The following HCN1 variants were observed in gnomAD, a reference collection of about 807,000 sequenced individuals.
HCN1 encodes the protein hyperpolarization activated cyclic nucleotide gated potassium channel 1.
Under a neutral mutation model 78.9 loss-of-function variants are expected in HCN1, and 13 were observed. That is an observed-to-expected ratio of 0.16 (90% CI 0.11 to 0.26). HCN1 has a LOEUF of 0.26. HCN1 is among the 10% of genes least tolerant of loss of function. The pLI, the probability that HCN1 is intolerant of heterozygous loss-of-function variation, is 1.00. For missense variants in HCN1, 810 were observed against 1,154.3 expected, an observed-to-expected ratio of 0.70 and a Z score of 4.32; for synonymous variants, 552 against 455.5, an observed-to-expected ratio of 1.21 and a Z score of -2.70.
intron 4 of HCN1, among the ~76,000 whole-genome samples, chr5:45,368,811 C>T: frequency 6.6e-6 from 1 of 151,992 alleles, no homozygotes; most frequent in South Asian, 2.1e-4. Context: ...CCGCTTCTGT[C>T]AGCAAATTTT....
intron 1 of HCN1, among the ~76,000 whole-genome samples, chr5:45,674,418 CA>C (rs1157338993): frequency 6.6e-6 from 1 of 151,608 alleles, no homozygotes; most frequent in Non-Finnish European, 1.5e-5. Context: ...TGATCTTATA[CA>C]GATCTTCTAT....
chr5:45,265,276 T>A (rs1014220595), intron 7 of HCN1, among the ~76,000 whole-genome samples: 4 of 152,176 alleles, frequency 2.6e-5, no homozygotes, highest in Non-Finnish European at 4.4e-5. Flanking sequence ...AATATCCTGA[T>A]TTTAATGTTT....
intron 2 of HCN1, among the ~76,000 whole-genome samples, chr5:45,542,063 C>G (rs2111830370): frequency 6.6e-6 from 1 of 151,996 alleles, no homozygotes; most frequent in Admixed American, 6.6e-5. Flanking sequence ...TCTATAATTC[C>G]ACTCAAGTGA....
At chr5:45,438,087 T>C (rs1187458216) in intron 3 of HCN1, among the ~76,000 whole-genome samples, 2 of 152,186 alleles carry the variant, frequency 1.3e-5, no homozygotes, top group African/African-American at 4.8e-5. Flanking sequence ...ACATATTTTA[T>C]TGGTAACACA....
chr5:45,376,259 GA>G (rs1242109642), intron 4 of HCN1, among the ~76,000 whole-genome samples: 1 of 129,924 alleles, frequency 7.7e-6, no homozygotes, highest in Non-Finnish European at 1.6e-5. Context: ...ATAGAATATA[GA>G]ATATATATTC....
chr5:45,691,573 G>A (rs1205080101), intron 1 of HCN1, among the ~76,000 whole-genome samples: 1 of 151,714 alleles, frequency 6.6e-6, no homozygotes, highest in African/African-American at 2.4e-5. Flanking sequence ...ACCTAACATA[G>A]AAAAAAAATA....
At chr5:45,393,943 CA>C (rs1579865406) in intron 4 of HCN1, among the ~76,000 whole-genome samples, 2 of 152,082 alleles carry the variant, frequency 1.3e-5, no homozygotes, top group East Asian at 3.9e-4. Context: ...ATATAGAGAT[CA>C]GGGGGTAAGG....
Position 45,351,339 on chromosome 5 carries a change from C to G in HCN1, c.1377+1761G>C, listed in dbSNP as rs1394005172. On this transcript the variant is annotated intron_variant, in intron 5 of 7. Transcript: ENST00000303230. The stretch of plus-strand genomic sequence containing the variant: ...GCTAGCCATATGTAGAAAGCTGAAA[C>G]TGGATCCCTTTCTTACACCTTATAC... Among the ~76,000 whole-genome samples the G allele has an allele frequency of 5.3e-4, 72 of 136,448 alleles. 3 individuals are homozygous for G. Among genetic ancestry groups the G allele is most frequent in the Non-Finnish European group, 8.7e-4 (58 of 66,548 alleles). The allele number at this position is 136,448 out of a possible 152,430, so 89.5% of individuals were successfully genotyped here. A position where few individuals can be genotyped will look rare whatever the true frequency, so the allele number is the denominator to read the frequency against.
At chr5:45,497,586 C>A (rs564468081) in intron 2 of HCN1, among the ~76,000 whole-genome samples, 3 of 152,216 alleles carry the variant, frequency 2.0e-5, no homozygotes, top group East Asian at 1.9e-4. Context: ...TATTTTGAGC[C>A]TATGTGTGTC....
intron 2 of HCN1, among the ~76,000 whole-genome samples, chr5:45,498,883 G>A (rs943647582): frequency 6.6e-6 from 1 of 152,162 alleles, no homozygotes; most frequent in Non-Finnish European, 1.5e-5. Context: ...GTGCCTCCCA[G>A]TTAGGCTGCT....
intron 4 of HCN1, among the ~76,000 whole-genome samples, chr5:45,384,961 C>CT (rs1747883250): frequency 6.6e-6 from 1 of 151,984 alleles, no homozygotes; most frequent in African/African-American, 2.4e-5. Flanking sequence ...AAAAGTCTTC[C>CT]TTTTTTCCAG....
chr5:45,318,211 T>C lies in HCN1; in HGVS notation c.1378-14372A>G, dbSNP rs566653354. Among the ~76,000 whole-genome samples, 442 of 152,250 alleles carry C rather than the reference T, an allele frequency of 2.9e-3. 1 individual carries two copies. Among genetic ancestry groups the C allele is most frequent in the African/African-American group, 0.01 (419 of 41,550 alleles). ...CTGGATTAAGAAAATGTGGCACATA[T>C]ACACCATGGAATACTATGCAGCCAT... On this transcript the variant is annotated intron_variant, in intron 5 of 7. Coordinates refer to ENST00000303230, the MANE Select transcript of HCN1 (RefSeq NM_021072.4).
rs546323107 is a variant in HCN1, at chr5:45,330,996, G to A, written c.1377+22104C>T. ...ACTTTAACCACTTTTTGTTTTCCTT[G>A]AAATATATAATTTAGATGATAGAAT... is the stretch of plus-strand genomic sequence containing the variant. On this transcript the variant is annotated intron_variant, in intron 5 of 7. Coordinates refer to ENST00000303230, the MANE Select transcript of HCN1 (RefSeq NM_021072.4). 3.3e-5 allele frequency among the ~76,000 whole-genome samples: 5 copies of A among 151,028 alleles called. No individual in the cohort carries two copies. The East Asian group carries it at 9.8e-4, about 29-fold the overall frequency.
At position 45,380,227 on chromosome 5, in the gene HCN1, C is replaced by T. The variant is rs528405984; in HGVS notation, c.1230+16265G>A. Among the ~76,000 whole-genome samples the T allele has an allele frequency of 2.0e-4, 31 of 152,042 alleles. 1 individual carries two copies. In the South Asian group the frequency reaches 5.6e-3, roughly 27 times the overall value. ...GTGCCTTGTTGCTGTTTACTGTGTCCTCAGATAATTGAAGAGCAAAAAGGC... is the reference window on the plus strand; with the variant it reads ...GTGCCTTGTTGCTGTTTACTGTGTCTTCAGATAATTGAAGAGCAAAAAGGC... On this transcript the variant is annotated intron_variant, in intron 4 of 7. Transcript: ENST00000303230.
At chr5:45,612,624 A>G (rs1293516335) in intron 2 of HCN1, among the ~76,000 whole-genome samples, 1 of 152,084 alleles carries the variant, frequency 6.6e-6, no homozygotes, top group Non-Finnish European at 1.5e-5. Flanking sequence ...TTGTTTCCTT[A>G]TACTTCTTTT....
chr5:45,539,921 TATATA>T (rs1287389981), intron 2 of HCN1, among the ~76,000 whole-genome samples: 1 of 1,498 alleles, frequency 6.7e-4, no homozygotes, highest in African/African-American at 7.2e-4. Context: ...AATTGTGAGA[TATATA>T]TATATATATA....
intron 2 of HCN1, among the ~76,000 whole-genome samples, chr5:45,519,012 A>T (rs1251241586): frequency 6.6e-6 from 1 of 151,864 alleles, no homozygotes; most frequent in Non-Finnish European, 1.5e-5. Flanking sequence ...TATAATTTTC[A>T]CAGAGGGCCC....
chr5:45,672,472 T>C (rs1324978576), intron 1 of HCN1, among the ~76,000 whole-genome samples: 1 of 151,282 alleles, frequency 6.6e-6, no homozygotes, highest in African/African-American at 2.4e-5. Flanking sequence ...TTACAAATGT[T>C]TATTCTCAGG....
At chr5:45,575,825 T>C (rs188352962) in intron 2 of HCN1, 2 of 152,180 alleles carry the variant, frequency 1.3e-5, no homozygotes, top group Admixed American at 1.3e-4. Context: ...TCATGACTGC[T>C]AACACAGCAT....
Sources: gnomAD v4.1 joint callset for allele counts (sites outside exome capture counted in the v4.1 genomes callset) on GRCh38, gnomAD v4.1.1 for gene constraint, MANE v1.5 for transcripts, NCBI Gene and HGNC (gene_info 2026-07-23, HGNC 2026-07-21) for gene names.